Variants in CNTN5 observed in about 807,000 individuals in gnomAD.
CNTN5 encodes the protein contactin 5, also known as contactin-5.
CNTN5 carries 77 observed loss-of-function variants against 129.1 expected under a neutral mutation model. The observed-to-expected ratio is 0.60, with a 90% CI of 0.50 to 0.72. The LOEUF is 0.72. CNTN5 is among the 30% of genes least tolerant of loss of function. The pLI, the probability that CNTN5 is intolerant of heterozygous loss-of-function variation, is 0.00. For missense variants in CNTN5, 1,478 were observed against 1,328.8 expected (o/e 1.11, Z -1.75); for synonymous variants, 509 against 465.6 (o/e 1.09, Z -1.20).
At chr11:99,252,456 T>G (rs112553249) in intron 1 of CNTN5, among the ~76,000 whole-genome samples, 59 of 151,558 alleles carry the variant, frequency 3.9e-4, no homozygotes, top group Non-Finnish European at 7.5e-4. Flanking sequence ...ACATTTATCT[T>G]ATATATAACT....
At chr11:99,422,255 G>C (rs992327234) in intron 2 of CNTN5, among the ~76,000 whole-genome samples, 1 of 151,946 alleles carries the variant, frequency 6.6e-6, no homozygotes, top group African/African-American at 2.4e-5. Context: ...GGGTTAATTA[G>C]CTTGATATTT....
intron 2 of CNTN5, among the ~76,000 whole-genome samples, chr11:99,399,616 T>G (rs934034973): frequency 6.6e-6 from 1 of 151,730 alleles, no homozygotes; most frequent in Non-Finnish European, 1.5e-5. Context: ...GCTTTTTTTT[T>G]TATTAAGTGT....
chr11:99,296,327 G>A (rs1177434059), intron 1 of CNTN5, among the ~76,000 whole-genome samples: 1 of 152,138 alleles, frequency 6.6e-6, no homozygotes, highest in Non-Finnish European at 1.5e-5. Flanking sequence ...AAATTTTGCT[G>A]TAGTGTGAAT....
intron 6 of CNTN5, among the ~76,000 whole-genome samples, chr11:99,860,950 ATTTTTTTTTT>A (rs146364893): frequency 2.2e-5 from 2 of 91,036 alleles, no homozygotes; most frequent in East Asian, 3.5e-4. Context: ...ATATGTCTTC[ATTTTTTTTTT>A]TTTTTTTTTT....
At chr11:99,619,330 A>T (rs669203) in intron 3 of CNTN5, among the ~76,000 whole-genome samples, 68,344 of 151,846 alleles carry the variant, frequency 0.45, 15,790 homozygotes, top group Admixed American at 0.59. Flanking sequence ...TGTAAAATGT[A>T]TTATAATAGC....
chr11:100,336,778 GC>G (rs1323674568), intron 21 of CNTN5: 4 of 316,716 alleles, frequency 1.3e-5, no homozygotes, highest in African/African-American at 8.5e-5. Flanking sequence ...CGGTACGGCA[GC>G]CTCCGGATTC....
At chr11:100,187,742 A>C (rs1234226987) in intron 13 of CNTN5, among the ~76,000 whole-genome samples, 1 of 152,196 alleles carries the variant, frequency 6.6e-6, no homozygotes, top group Non-Finnish European at 1.5e-5. Context: ...TCATATGCAA[A>C]AGAATGAAAC....
intron 13 of CNTN5, among the ~76,000 whole-genome samples, chr11:100,166,860 T>C (rs1361392226): frequency 2.0e-5 from 3 of 151,838 alleles, no homozygotes; most frequent in Non-Finnish European, 4.4e-5. Flanking sequence ...TATCTTAGTT[T>C]TAGAGTCATA....
chr11:100,142,686 G>A (rs1284017711), intron 13 of CNTN5, among the ~76,000 whole-genome samples: 3 of 152,108 alleles, frequency 2.0e-5, no homozygotes, highest in Non-Finnish European at 4.4e-5. Flanking sequence ...AGCTGACACA[G>A]ATATTCCTGG....
In CNTN5 at chr11:100,039,000, A is replaced by T. The variant is rs560665775; in HGVS notation, c.981-22212A>T. Among the ~76,000 whole-genome samples, 10 of 152,152 alleles carry T rather than the reference A, an allele frequency of 6.6e-5. No individual in the cohort carries two copies. The East Asian group carries it at 1.7e-3, about 26-fold the overall frequency. On this transcript the variant is annotated intron_variant, in intron 9 of 24. Transcript: ENST00000524871. Reference sequence around the variant, plus strand: ...GTTAATATTGTTATGTGTGAATTTGATCCTGTCATTATGGTGTTAGCTGGT... The same window carrying T: ...GTTAATATTGTTATGTGTGAATTTGTTCCTGTCATTATGGTGTTAGCTGGT...
At chr11:99,652,021 T>C (rs138362460) in intron 3 of CNTN5, among the ~76,000 whole-genome samples, 4 of 152,096 alleles carry the variant, frequency 2.6e-5, no homozygotes, top group African/African-American at 9.7e-5. Context: ...TCTCAAAGTT[T>C]CTGTGGTTCA....
At chr11:99,774,607 A>C (rs1186087727) in intron 3 of CNTN5, among the ~76,000 whole-genome samples, 1 of 151,982 alleles carries the variant, frequency 6.6e-6, no homozygotes, top group East Asian at 1.9e-4. Flanking sequence ...CAAGGGCCTG[A>C]GGTCCTTCAT....
chr11:99,854,742 A>G (rs1208164501), intron 6 of CNTN5, among the ~76,000 whole-genome samples: 2 of 152,174 alleles, frequency 1.3e-5, no homozygotes, highest in East Asian at 3.9e-4. Context: ...GTTGGTGCTC[A>G]GGAAAGGCAG....
At chr11:99,930,101 C>T (rs958289686) in intron 7 of CNTN5, among the ~76,000 whole-genome samples, 2 of 152,060 alleles carry the variant, frequency 1.3e-5, no homozygotes, top group African/African-American at 4.8e-5. Flanking sequence ...TGTAGAGTGA[C>T]TTGCCAGTGT....
rs577733387 is a variant in CNTN5, at chr11:99,870,829, A to G, written c.577+25567A>G. On this transcript the variant is annotated intron_variant, in intron 6 of 24. Transcript: ENST00000524871. ...TCTCATATACTTTGGAAGAGGTTCA[A>G]TGATTTTGTTACATTTGAGAGGTTT... Among the ~76,000 whole-genome samples, 262 of 152,162 alleles carry G rather than the reference A, an allele frequency of 1.7e-3. 1 individual carries two copies. Among genetic ancestry groups the G allele is most frequent in the African/African-American group, 6.1e-3 (254 of 41,544 alleles).
intron 7 of CNTN5, among the ~76,000 whole-genome samples, chr11:99,953,388 G>A (rs11604532): frequency 0.12 from 17,881 of 152,210 alleles, 1,093 homozygotes; most frequent in Middle Eastern, 0.16. Flanking sequence ...ATTAGGGCAG[G>A]AGACAGCTAA....
At chr11:99,745,618 A>G (rs527268751) in intron 3 of CNTN5, among the ~76,000 whole-genome samples, 12 of 152,302 alleles carry the variant, frequency 7.9e-5, no homozygotes, top group African/African-American at 2.9e-4. Context: ...GATGATTGAT[A>G]CTTTATTTTT....
intron 20 of CNTN5, among the ~76,000 whole-genome samples, chr11:100,302,257 T>C (rs1951239447): frequency 6.6e-6 from 1 of 151,590 alleles, no homozygotes; most frequent in East Asian, 1.9e-4. Flanking sequence ...TGAAATAAAC[T>C]TGTAAAATAA....
At chr11:100,261,251 G>A (rs903940429) in intron 17 of CNTN5, among the ~76,000 whole-genome samples, 1 of 152,046 alleles carries the variant, frequency 6.6e-6, no homozygotes, top group African/African-American at 2.4e-5. Context: ...GGATGTGAAG[G>A]ACCTCCTCAA....
Sources: allele counts gnomAD v4.1 joint callset (sites outside exome capture counted in the v4.1 genomes callset), GRCh38; gene constraint gnomAD v4.1.1; transcripts MANE v1.5; gene names NCBI Gene and HGNC (gene_info 2026-07-23, HGNC 2026-07-21).